The following PTPRG variants were observed in gnomAD, a reference collection of about 807,000 sequenced individuals.
PTPRG encodes the protein receptor-type tyrosine-protein phosphatase gamma.
PTPRG carries 102 observed loss-of-function variants against 165.3 expected under a neutral mutation model. The ratio of observed to expected loss-of-function variants is 0.62; its 90% confidence interval spans 0.53 to 0.73. The LOEUF (loss-of-function observed/expected upper bound fraction) is 0.73. Among genes scored for constraint, PTPRG ranks in the 30% least tolerant of loss-of-function variants. PTPRG has a pLI of 0.00. For missense variants in PTPRG, 1,866 were observed against 1,861.4 expected (o/e 1.00, Z -0.05); for synonymous variants, 675 against 669.5 (o/e 1.01, Z -0.13).
intron 17 of PTPRG, among the ~76,000 whole-genome samples, chr3:62,266,491 T>G (rs1370791886): frequency 6.6e-6 from 1 of 152,006 alleles, no homozygotes; most frequent in Non-Finnish European, 1.5e-5. Flanking sequence ...TTAGGAGAAA[T>G]TTTTCCTTTG....
At chr3:61,833,602 G>A (rs562753945) in intron 2 of PTPRG, among the ~76,000 whole-genome samples, 8 of 152,012 alleles carry the variant, frequency 5.3e-5, no homozygotes, top group Admixed American at 1.3e-4. Context: ...TCACTCTGTC[G>A]CCCAGGCTGG....
At chr3:61,678,658 G>A (rs548266362) in intron 1 of PTPRG, among the ~76,000 whole-genome samples, 9 of 152,070 alleles carry the variant, frequency 5.9e-5, no homozygotes, top group Admixed American at 1.3e-4. Context: ...GCTTCCAGGC[G>A]TCTCCGCTTG....
At chr3:62,259,755 G>A (rs376600360) in intron 16 of PTPRG, among the ~76,000 whole-genome samples, 11 of 152,136 alleles carry the variant, frequency 7.2e-5, no homozygotes, top group South Asian at 2.1e-4. Flanking sequence ...AGTTTTCTAG[G>A]GGGCAAATGC....
At chr3:61,803,933 T>G (rs2107181965) in intron 2 of PTPRG, among the ~76,000 whole-genome samples, 1 of 152,348 alleles carries the variant, frequency 6.6e-6, no homozygotes, top group South Asian at 2.1e-4. Flanking sequence ...TTTGTTGTAT[T>G]AATCACTACC....
intron 5 of PTPRG, among the ~76,000 whole-genome samples, chr3:62,128,024 A>C (rs926238583): frequency 6.6e-6 from 1 of 152,206 alleles, no homozygotes; most frequent in Admixed American, 6.5e-5. Context: ...CTTCAGTCCG[A>C]ACCTAGGTTT....
At chr3:62,012,247 G>T (rs745477379) in intron 4 of PTPRG, among the ~76,000 whole-genome samples, 1 of 152,160 alleles carries the variant, frequency 6.6e-6, no homozygotes, top group Non-Finnish European at 1.5e-5. Flanking sequence ...GAGACTTCCT[G>T]TTAGTACTCC....
chr3:62,033,182 C>G (rs528874408), intron 4 of PTPRG, among the ~76,000 whole-genome samples: 3 of 152,074 alleles, frequency 2.0e-5, no homozygotes, highest in Non-Finnish European at 4.4e-5. Flanking sequence ...AAGGCCTTGC[C>G]TCTTCCCACC....
intron 28 of PTPRG, among the ~76,000 whole-genome samples, chr3:62,289,490 G>T (rs1559770479): frequency 6.6e-6 from 1 of 151,988 alleles, no homozygotes. Flanking sequence ...GAACACTGAT[G>T]CAAAAATGAC....
At chr3:61,714,390 C>A (rs983559823) in intron 1 of PTPRG, among the ~76,000 whole-genome samples, 4 of 152,180 alleles carry the variant, frequency 2.6e-5, no homozygotes, top group African/African-American at 9.7e-5. Context: ...CGGTCATGTC[C>A]TTAGTCTGTT....
intron 1 of PTPRG, among the ~76,000 whole-genome samples, chr3:61,740,126 A>T (rs2032921266): frequency 6.6e-6 from 1 of 152,160 alleles, no homozygotes; most frequent in Non-Finnish European, 1.5e-5. Flanking sequence ...ATATAAAGAG[A>T]TGCCACAATT....
intron 5 of PTPRG, among the ~76,000 whole-genome samples, chr3:62,096,134 G>A (rs1246337434): frequency 3.3e-5 from 5 of 152,186 alleles, no homozygotes; most frequent in South Asian, 4.2e-4. Context: ...AAAGAGGAGA[G>A]ATGGTGGTAG....
rs184708191 is a variant in PTPRG, at chr3:62,240,962, T to C, written c.2376-2845T>C. The stretch of plus-strand genomic sequence containing the variant: ...ATACTAGGAGAGTAGGTGCCTTGTG[T>C]GTCTTGTTTATCATTGTGCTCCCAG... On this transcript the variant is annotated intron_variant, in intron 14 of 29. Coordinates refer to ENST00000474889, the MANE Select transcript of PTPRG (RefSeq NM_002841.4). The surrounding 1 kb of genome is among the most constrained non-coding windows in gnomAD (Gnocchi z 5.1). Among the ~76,000 whole-genome samples, 3 of 152,326 alleles carry C rather than the reference T, an allele frequency of 2.0e-5. No homozygotes were observed. Among genetic ancestry groups the C allele is most frequent in the Admixed American group, 1.3e-4 (2 of 15,296 alleles).
intron 2 of PTPRG, among the ~76,000 whole-genome samples, chr3:61,856,820 TATG>T (rs2037119548): frequency 6.6e-6 from 1 of 152,178 alleles, no homozygotes; most frequent in African/African-American, 2.4e-5. Flanking sequence ...TAGAAAGTCT[TATG>T]AGGAGGACTG....
chr3:62,139,338 A>G (rs1576051929), intron 6 of PTPRG, among the ~76,000 whole-genome samples: 1 of 152,186 alleles, frequency 6.6e-6, no homozygotes, highest in East Asian at 1.9e-4. Context: ...GGGCACCTGT[A>G]ATCTTAGCTA....
At chr3:61,913,760 G>C (rs181932321) in intron 2 of PTPRG, among the ~76,000 whole-genome samples, 2 of 152,280 alleles carry the variant, frequency 1.3e-5, no homozygotes, top group African/African-American at 4.8e-5. Flanking sequence ...ACCCATGGCT[G>C]GATGAGCATT....
intron 4 of PTPRG, among the ~76,000 whole-genome samples, chr3:62,074,067 G>C (rs78592978): frequency 0.062 from 9,373 of 152,164 alleles, 419 homozygotes; most frequent in South Asian, 0.11. Flanking sequence ...TAATTATTCT[G>C]TGATTATGTA....
chr3:62,273,824 C>A lies in PTPRG; in HGVS notation c.3445C>A (p.Arg1149=). The stretch of plus-strand genomic sequence containing the variant: ...TATACCAGGAGTAGGAGGAAAGACA[C>A]GACTGGAAAAGCAATTCAAGGTAGT... ...ILIPGVGGKT[R]LEKQFKLVTQ... The change falls in exon 23 of 30, where the codon CGA becomes AGA. Residue 1149 remains arginine (R), a synonymous_variant. Coordinates refer to ENST00000474889, the MANE Select transcript of PTPRG (RefSeq NM_002841.4). The surrounding 1 kb of genome is among the most constrained non-coding windows in gnomAD (Gnocchi z 4.1). The A allele has an allele frequency of 6.2e-7, 1 of 1,613,630 alleles. No individual in the cohort carries two copies.
intron 2 of PTPRG, chr3:61,925,897 G>A (rs1242834546): frequency 4.0e-6 from 2 of 499,264 alleles, no homozygotes; most frequent in Admixed American, 4.1e-5. Flanking sequence ...CAAAATCCCT[G>A]TTGATGAGGT....
chr3:62,185,810 C>A (rs1339026779), intron 8 of PTPRG, among the ~76,000 whole-genome samples: 1 of 152,222 alleles, frequency 6.6e-6, no homozygotes, highest in African/African-American at 2.4e-5. Flanking sequence ...AGTGTTCCCT[C>A]GTAATCCTCA....
Sources: allele counts gnomAD v4.1 joint callset (sites outside exome capture counted in the v4.1 genomes callset), GRCh38; gene constraint gnomAD v4.1.1; non-coding constraint Gnocchi (gnomAD v3.1); transcripts MANE v1.5; gene names NCBI Gene and HGNC (gene_info 2026-07-23, HGNC 2026-07-21).